Variants in ZFR observed in about 807,000 individuals in gnomAD.
The protein encoded by ZFR is zinc finger RNA binding protein, also known as zinc finger RNA-binding protein.
ZFR carries 19 observed loss-of-function variants against 130.7 expected under a neutral mutation model. That is an observed-to-expected ratio of 0.15 (90% CI 0.10 to 0.21). The LOEUF (loss-of-function observed/expected upper bound fraction) is 0.21, where lower values mean the gene tolerates loss of function less well. ZFR is among the 10% of genes least tolerant of loss of function. The pLI is 1.00. For missense variants in ZFR, 872 were observed against 1,321.5 expected, an observed-to-expected ratio of 0.66 and a Z score of 5.27; for synonymous variants, 466 against 456.9, an observed-to-expected ratio of 1.02 and a Z score of -0.25.
chr5:32,424,622 CTT>C (rs1012124272), intron 2 of ZFR, among the ~76,000 whole-genome samples: 11 of 151,410 alleles, frequency 7.3e-5, no homozygotes, highest in Non-Finnish European at 1.6e-4. Context: ...CAATAAAAGA[CTT>C]TATAGGTGAG....
rs377291300 is a variant in ZFR, at chr5:32,403,088, G to C, written c.1516+18C>G. 1 of 1,609,310 alleles carries C rather than the reference G, an allele frequency of 6.2e-7. No individual in the cohort carries two copies. The highest frequency in any genetic ancestry group is 8.5e-7 in the Non-Finnish European group (1 of 1,177,030). On this transcript the variant is annotated intron_variant, in intron 8 of 19. Coordinates refer to ENST00000265069, the MANE Select transcript of ZFR (RefSeq NM_016107.5). ...CACTTTGACAGAGTCAGCAGGGACA[G>C]AGAATATCAGTACTTGCCAACAAAA...
chr5:32,422,668 T>C lies in ZFR; in HGVS notation c.138-2565A>G, dbSNP rs550686036. Among the ~76,000 whole-genome samples, 15 of 151,422 alleles carry C rather than the reference T, an allele frequency of 9.9e-5. No homozygotes were observed. In the East Asian group the frequency reaches 2.9e-3, roughly 30 times the overall value. On this transcript the variant is annotated intron_variant, in intron 2 of 19. Transcript: ENST00000265069. ...TTTAAAAATTAGCCACACATGGTAG[T>C]GTGTGCCTGTAGTCCCAGCTAGTCA...
At chr5:32,397,463 T>A in intron 9 of ZFR, 125 bp from the exon 10 acceptor site, 1 of 1,271,278 alleles carries the variant, frequency 7.9e-7, no homozygotes, top group Non-Finnish European at 1.1e-6. Flanking sequence ...TTACATTTTT[T>A]TTTTCCCCAG....
chr5:32,377,039 C>G (rs1011247540), intron 17 of ZFR, among the ~76,000 whole-genome samples: 35 of 149,856 alleles, frequency 2.3e-4, no homozygotes, highest in African/African-American at 8.3e-4. Context: ...CGCCTGTAGT[C>G]CCAGCTACTC....
At chr5:32,439,804 TAAAAAAAA>T (rs11446399) in intron 2 of ZFR, among the ~76,000 whole-genome samples, 3,096 of 72,540 alleles carry the variant, frequency 0.043, 155 homozygotes, top group African/African-American at 0.15. Flanking sequence ...ACCATGTCTT[TAAAAAAAA>T]AAAAAAAAAA....
Position 32,379,176 on chromosome 5 carries a change from A to G in ZFR, c.2774T>C (p.Ile925Thr), listed in dbSNP as rs776585686. The change falls in exon 17 of 20, where the codon ATC becomes ACC. Residue 925 changes from isoleucine (I) to threonine (T), a missense_variant. Around this residue, in one of 7 missense-constraint regions of ZFR, gnomAD observed 158 missense variants for 264.0 expected, o/e 0.60. Transcript: ENST00000265069. ...RANGLQSCVI[I>T]IRILRDLCQR... is the part of the protein sequence containing the mutation. ...ACAGAGGTCTCGAAGAATGCGTATG[A>G]TAATCACACAGGACTGCAGACCATT... 6.2e-7 allele frequency: 1 copy of G among 1,614,042 alleles called. No individual in the cohort carries two copies.
rs571870956 is a variant in ZFR at position 32,367,544 on chromosome 5, G to C, written c.2836-3269C>G. On this transcript the variant is annotated intron_variant, in intron 17 of 19. Coordinates refer to ENST00000265069, the MANE Select transcript of ZFR (RefSeq NM_016107.5). Reference sequence around the variant, plus strand: ...CAAGTGATTGACCTCAGCCTCCTGAGTAGCTGGCACTACAGAACCCACTAC... The same window carrying C: ...CAAGTGATTGACCTCAGCCTCCTGACTAGCTGGCACTACAGAACCCACTAC... Among the ~76,000 whole-genome samples, 155 of 152,236 alleles carry C rather than the reference G, an allele frequency of 1.0e-3. 1 individual carries two copies. Among genetic ancestry groups the C allele is most frequent in the African/African-American group, 3.4e-3 (143 of 41,544 alleles).
chr5:32,395,658 CT>C (rs1753286330), intron 10 of ZFR, among the ~76,000 whole-genome samples: 1 of 152,154 alleles, frequency 6.6e-6, no homozygotes, highest in Admixed American at 6.5e-5. Context: ...TCTGCCACCC[CT>C]GAGAGAGTAA....
intron 2 of ZFR, among the ~76,000 whole-genome samples, chr5:32,438,836 T>C (rs1754398598): frequency 1.3e-5 from 2 of 152,212 alleles, no homozygotes; most frequent in Non-Finnish European, 2.9e-5. Flanking sequence ...GGAATGCCTA[T>C]TGATAATCAG....
intron 17 of ZFR, among the ~76,000 whole-genome samples, chr5:32,375,867 G>A (rs1752793525): frequency 1.4e-5 from 2 of 143,318 alleles, no homozygotes; most frequent in East Asian, 2.1e-4. Context: ...TTTTTGAGAC[G>A]GAGTCTCACT....
intron 2 of ZFR, among the ~76,000 whole-genome samples, chr5:32,443,030 C>A (rs1382201285): frequency 6.6e-6 from 1 of 150,930 alleles, no homozygotes; most frequent in African/African-American, 2.5e-5. Flanking sequence ...TCCTTTCTCT[C>A]TAAGAAAAAT....
At chr5:32,389,848 T>C (rs1233464602) in intron 12 of ZFR, among the ~76,000 whole-genome samples, 1 of 152,172 alleles carries the variant, frequency 6.6e-6, no homozygotes, top group African/African-American at 2.4e-5. Context: ...AGATTCTAAA[T>C]CAGATTAAAA....
intron 17 of ZFR, chr5:32,365,070 C>T (rs1007901675): frequency 6.6e-5 from 10 of 152,238 alleles, no homozygotes; most frequent in African/African-American, 1.9e-4. Flanking sequence ...CTACTATGGA[C>T]GTTTTATACA....
intron 2 of ZFR, among the ~76,000 whole-genome samples, chr5:32,443,303 T>C (rs2111885338): frequency 6.6e-6 from 1 of 152,362 alleles, no homozygotes; most frequent in African/African-American, 2.4e-5. Context: ...TGGTAAGATG[T>C]ATAATGAACT....
intron 19 of ZFR, among the ~76,000 whole-genome samples, chr5:32,357,329 G>A (rs373025691): frequency 6.6e-6 from 1 of 152,196 alleles, no homozygotes; most frequent in Non-Finnish European, 1.5e-5. Context: ...GCAGTGGCGC[G>A]ATCTCAGCTT....
At chr5:32,359,206 A>C (rs1345405511) in intron 19 of ZFR, among the ~76,000 whole-genome samples, 1 of 152,114 alleles carries the variant, frequency 6.6e-6, no homozygotes, top group Non-Finnish European at 1.5e-5. Flanking sequence ...AAAACCAAAA[A>C]ACCCCTAAAG....
chr5:32,358,763 T>C (rs2111646162), intron 19 of ZFR, among the ~76,000 whole-genome samples: 1 of 152,230 alleles, frequency 6.6e-6, no homozygotes, highest in African/African-American at 2.4e-5. Flanking sequence ...ATTAATCGTC[T>C]TGGCTGAAGG....
At chr5:32,386,972 A>G (rs1753058212) in intron 14 of ZFR, among the ~76,000 whole-genome samples, 1 of 152,112 alleles carries the variant, frequency 6.6e-6, no homozygotes, top group Admixed American at 6.5e-5. Context: ...GCTTAAAAAA[A>G]GTTTGTTTTT....
chr5:32,405,747 T>TC (rs1359109043), intron 6 of ZFR, among the ~76,000 whole-genome samples: 1 of 152,112 alleles, frequency 6.6e-6, no homozygotes, highest in Non-Finnish European at 1.5e-5. Context: ...CACACCTGCC[T>TC]CCCGTCACCT....
Sources: allele counts gnomAD v4.1 joint callset (sites outside exome capture counted in the v4.1 genomes callset), GRCh38; gene constraint gnomAD v4.1.1; regional missense constraint gnomAD v4.1.1; transcripts MANE v1.5; gene names NCBI Gene and HGNC (gene_info 2026-07-23, HGNC 2026-07-21).